Variants in GTF2F2 observed in about 807,000 individuals in gnomAD.
The protein encoded by GTF2F2 is ATP-dependent helicase GTF2F2.
GTF2F2 carries 23 observed loss-of-function variants against 42.2 expected under a neutral mutation model. The observed-to-expected ratio is 0.55, with a 90% CI of 0.39 to 0.77. The LOEUF (loss-of-function observed/expected upper bound fraction) is 0.77, where lower values mean the gene tolerates loss of function less well. Among genes scored for constraint, GTF2F2 ranks in the 30% least tolerant of loss-of-function variants. GTF2F2 has a pLI of 0.00. For synonymous variants in GTF2F2, 105 were observed against 100.8 expected (o/e 1.04, Z -0.25); for missense variants, 261 against 287.2 (o/e 0.91, Z 0.66).
intron 4 of GTF2F2, among the ~76,000 whole-genome samples, chr13:45,190,937 CT>C (rs1314616802): frequency 7.2e-5 from 9 of 125,724 alleles, no homozygotes; most frequent in African/African-American, 2.2e-4. Flanking sequence ...AAGTAATTTT[CT>C]TTAAAAAAAA....
intron 5 of GTF2F2, among the ~76,000 whole-genome samples, chr13:45,250,360 T>C (rs572199872): frequency 2.0e-5 from 3 of 152,004 alleles, no homozygotes; most frequent in Admixed American, 6.5e-5. Context: ...TTATTTCTTA[T>C]AAGCATGAGC....
At chr13:45,262,179 C>G (rs1341029358) in intron 6 of GTF2F2, among the ~76,000 whole-genome samples, 1 of 152,080 alleles carries the variant, frequency 6.6e-6, no homozygotes, top group Non-Finnish European at 1.5e-5. Context: ...TGAGACCAAC[C>G]TCGGCAGTAT....
chr13:45,259,843 G>A (rs1484765138), intron 6 of GTF2F2, among the ~76,000 whole-genome samples: 48 of 151,802 alleles, frequency 3.2e-4, no homozygotes, highest in Admixed American at 3.1e-3. Flanking sequence ...ACCCATCTCG[G>A]CCTCCCAAAG....
At chr13:45,195,070 A>C (rs1182114445) in intron 4 of GTF2F2, among the ~76,000 whole-genome samples, 1 of 152,140 alleles carries the variant, frequency 6.6e-6, no homozygotes, top group Non-Finnish European at 1.5e-5. Context: ...TAAGGTGAAA[A>C]TTCTAGGTGT....
intron 5 of GTF2F2, among the ~76,000 whole-genome samples, chr13:45,211,271 A>G (rs1489345836): frequency 6.6e-6 from 1 of 152,210 alleles, no homozygotes; most frequent in East Asian, 1.9e-4. Context: ...TAAGAACGGT[A>G]CCAAGGTATA....
chr13:45,169,438 C>T (rs984754980), intron 4 of GTF2F2, among the ~76,000 whole-genome samples: 1 of 152,130 alleles, frequency 6.6e-6, no homozygotes, highest in African/African-American at 2.4e-5. Flanking sequence ...TGGACTTCAG[C>T]CCCCAGTACT....
intron 4 of GTF2F2, among the ~76,000 whole-genome samples, chr13:45,200,786 A>C (rs1873143900): frequency 6.6e-6 from 1 of 152,238 alleles, no homozygotes. Flanking sequence ...AAAGGAGACT[A>C]CTAGGAATAT....
chr13:45,120,728 T>G lies in GTF2F2; in HGVS notation c.66+7T>G, dbSNP rs1461286064. Reference sequence around the variant, plus strand: ...AGGAGTGTGGCTAGTCAAGGTAATGTTCGCGAGTCTCCCACTTGCGCTCCT... The same window carrying G: ...AGGAGTGTGGCTAGTCAAGGTAATGGTCGCGAGTCTCCCACTTGCGCTCCT... On this transcript the variant is annotated splice_region_variant and intron_variant, in intron 1 of 7. Coordinates refer to ENST00000340473, the MANE Select transcript of GTF2F2 (RefSeq NM_004128.3). The G allele has an allele frequency of 6.5e-7, 1 of 1,548,878 alleles. No homozygotes were observed. The highest frequency in any genetic ancestry group is 1.4e-5 in the African/African-American group (1 of 73,222).
At chr13:45,137,381 C>T (rs985949795) in intron 2 of GTF2F2, among the ~76,000 whole-genome samples, 1 of 152,338 alleles carries the variant, frequency 6.6e-6, no homozygotes, top group Non-Finnish European at 1.5e-5. Flanking sequence ...CATTCAGATT[C>T]GTATGTCCAT....
chr13:45,163,172 G>A (rs1444518181), intron 4 of GTF2F2, among the ~76,000 whole-genome samples: 2 of 152,024 alleles, frequency 1.3e-5, no homozygotes, highest in Non-Finnish European at 2.9e-5. Context: ...AAAATGACAG[G>A]CTATACAAAC....
intron 4 of GTF2F2, chr13:45,194,281 C>G: frequency 6.2e-7 from 1 of 1,614,150 alleles, no homozygotes; most frequent in Non-Finnish European, 8.5e-7. Context: ...TAGAAGTTCT[C>G]CATTTCGTAG....
intron 1 of GTF2F2, among the ~76,000 whole-genome samples, chr13:45,122,300 C>T (rs1868683798): frequency 6.6e-6 from 1 of 151,836 alleles, no homozygotes; most frequent in Non-Finnish European, 1.5e-5. Flanking sequence ...GTGTGCAGTA[C>T]GAATTAGAGG....
At chr13:45,194,697 G>A in intron 4 of GTF2F2, 1 of 807,976 alleles carries the variant, frequency 1.2e-6, no homozygotes, top group Non-Finnish European at 2.0e-6. Flanking sequence ...AGCATCGCCT[G>A]CGCTGTCAGC....
chr13:45,252,576 A>G (rs1875923099), intron 5 of GTF2F2, among the ~76,000 whole-genome samples: 1 of 152,194 alleles, frequency 6.6e-6, no homozygotes, highest in Non-Finnish European at 1.5e-5. Context: ...TCCCCCAGAA[A>G]TTTAAGGCTG....
At chr13:45,121,428 A>ACTTAAAAT (rs770656772) in intron 1 of GTF2F2, among the ~76,000 whole-genome samples, 289 of 152,340 alleles carry the variant, frequency 1.9e-3, no homozygotes, top group Middle Eastern at 0.01. Flanking sequence ...TGATCCTGAA[A>ACTTAAAAT]GTCGTTGAAA....
At chr13:45,191,477 T>C (rs1013913416) in intron 4 of GTF2F2, among the ~76,000 whole-genome samples, 2 of 151,688 alleles carry the variant, frequency 1.3e-5, no homozygotes, top group African/African-American at 4.8e-5. Context: ...ACAGAAATAC[T>C]CTGAAAGCTT....
At chr13:45,193,605 C>G (rs1284542504) in intron 4 of GTF2F2, 4 of 559,546 alleles carry the variant, frequency 7.1e-6, no homozygotes, top group Non-Finnish European at 1.2e-5. Flanking sequence ...TCAGTAGGAA[C>G]ACCCCAGAGG....
At position 45,123,961 on chromosome 13, in the gene GTF2F2, G is replaced by C. The variant is rs549110715; in HGVS notation, c.66+3240G>C. On this transcript the variant is annotated intron_variant, in intron 1 of 7. Transcript: ENST00000340473. ...TATGGCAGGGACTCCCCAGCATTGA[G>C]GGTCTCTCTCTTCCTCTTGTTCTGT... 231 of 707,370 alleles carry C rather than the reference G, an allele frequency of 3.3e-4. 2 individuals carry two copies. Among genetic ancestry groups the C allele is most frequent in the Middle Eastern group, 2.4e-3 (6 of 2,498 alleles). The allele number at this position is 707,370 out of a possible 1,614,324, so 43.8% of individuals were successfully genotyped here. A position where few individuals can be genotyped will look rare whatever the true frequency, so the allele number is the denominator to read the frequency against.
rs1157972776 is a variant in GTF2F2, at chr13:45,278,816, C to CTTTTTTTTTTTTTTTT, written c.631-4616_631-4601dup. On this transcript the variant is annotated intron_variant, in intron 7 of 7. Transcript: ENST00000340473. ...CCTGCCAATTTGCCTTTTTCTTTTT[C>CTTTTTTTTTTTTTTTT]TTTTTTTTTTTTTTTTTTTTTTTTT... Among the ~76,000 whole-genome samples the CTTTTTTTTTTTTTTTT allele has an allele frequency of 3.0e-4, 19 of 62,304 alleles. 1 individual carries two copies. Among genetic ancestry groups the CTTTTTTTTTTTTTTTT allele is most frequent in the East Asian group, 8.9e-4 (2 of 2,238 alleles). The allele number at this position is 62,304 out of a possible 152,430, so 40.9% of individuals were successfully genotyped here.
Sources: gnomAD v4.1 joint callset for allele counts (sites outside exome capture counted in the v4.1 genomes callset) on GRCh38, gnomAD v4.1.1 for gene constraint, MANE v1.5 for transcripts, NCBI Gene and HGNC (gene_info 2026-07-23, HGNC 2026-07-21) for gene names.